Variants in SIK2 observed in about 807,000 individuals in gnomAD.
The protein encoded by SIK2 is serine/threonine-protein kinase SIK2.
In SIK2, 29 loss-of-function variants were observed where a neutral mutation model predicts 103.2. That is an observed-to-expected ratio of 0.28 (90% confidence interval 0.21 to 0.38). SIK2 has a LOEUF of 0.38. Ranked by LOEUF, SIK2 falls within the 10% of genes least tolerant of loss-of-function variation. The probability of loss-of-function intolerance (pLI) is 1.00; values close to 1 mark genes in which losing one functional copy is unlikely to be tolerated. For synonymous variants in SIK2, 412 were observed against 446.1 expected (o/e 0.92, Z 0.96); for missense variants, 879 against 1,171.0 (o/e 0.75, Z 3.64).
intron 3 of SIK2, among the ~76,000 whole-genome samples, chr11:111,669,050 C>T (rs1219330682): frequency 2.0e-5 from 3 of 152,126 alleles, no homozygotes; most frequent in African/African-American, 7.2e-5. Context: ...GAATGAATAG[C>T]TGATAGATAA....
At chr11:111,667,271 G>A (rs1302153651) in intron 3 of SIK2, among the ~76,000 whole-genome samples, 1 of 151,808 alleles carries the variant, frequency 6.6e-6, no homozygotes, top group East Asian at 1.9e-4. Flanking sequence ...GAGAGAACAG[G>A]AGCATTACAG....
chr11:111,692,038 G>T (rs997194458), intron 4 of SIK2, among the ~76,000 whole-genome samples: 3 of 152,038 alleles, frequency 2.0e-5, no homozygotes, highest in African/African-American at 7.2e-5. Flanking sequence ...CAGGATTGGG[G>T]ATCGGGGAGA....
rs532078135 is a variant in SIK2, at chr11:111,722,475, G to C, written c.2056-190G>C. Among the ~76,000 whole-genome samples, 1 of 152,366 alleles carries C rather than the reference G, an allele frequency of 6.6e-6. No homozygotes were observed. The highest frequency in any genetic ancestry group is 1.9e-4 in the East Asian group (1 of 5,186). ...TGGAGTGGAAAAAGGAAGTAGGTGA[G>C]GTCAGAGATGGCCCAGGCCTGCGGG... On this transcript the variant is annotated intron_variant, in intron 13 of 14. Transcript: ENST00000304987. The surrounding 1 kb of genome is among the most constrained non-coding windows in gnomAD (Gnocchi z 4.4).
At chr11:111,687,819 A>G (rs1398617121) in intron 3 of SIK2, among the ~76,000 whole-genome samples, 182 bp from the exon 4 acceptor site, 1 of 151,830 alleles carries the variant, frequency 6.6e-6, no homozygotes, top group Non-Finnish European at 1.5e-5. Context: ...GTTAGCCAGG[A>G]TGGTCTCGAT....
At chr11:111,667,745 G>A (rs1942566174) in intron 3 of SIK2, among the ~76,000 whole-genome samples, 1 of 152,026 alleles carries the variant, frequency 6.6e-6, no homozygotes, top group Admixed American at 6.6e-5. Context: ...TGCCCATCTT[G>A]GCCTCCCAAA....
At chr11:111,664,272 T>C (rs928488820) in intron 3 of SIK2, among the ~76,000 whole-genome samples, 5 of 152,058 alleles carry the variant, frequency 3.3e-5, no homozygotes, top group Admixed American at 2.6e-4. Context: ...AAGGGAAAGA[T>C]TGGGGCAGGG....
At chr11:111,638,632 C>G (rs1033546897) in intron 3 of SIK2, among the ~76,000 whole-genome samples, 1 of 151,966 alleles carries the variant, frequency 6.6e-6, no homozygotes, top group Non-Finnish European at 1.5e-5. Context: ...CTGTTCTATT[C>G]TGTAAAATAT....
At chr11:111,620,287 G>T in intron 2 of SIK2, 52 bp from the exon 3 acceptor site, 1 of 1,157,306 alleles carries the variant, frequency 8.6e-7, no homozygotes, top group Non-Finnish European at 1.3e-6. Flanking sequence ...AGAATATTGT[G>T]GAAAATTCCA....
At chr11:111,710,411 A>G (rs1943464252) in intron 8 of SIK2, among the ~76,000 whole-genome samples, 1 of 152,238 alleles carries the variant, frequency 6.6e-6, no homozygotes. Flanking sequence ...TATACAGTAT[A>G]GCCAGTGATA....
At chr11:111,717,317 C>CAAAAAAAAAAAAA (rs34473568) in intron 9 of SIK2, among the ~76,000 whole-genome samples, 1 of 49,466 alleles carries the variant, frequency 2.0e-5, no homozygotes, top group African/African-American at 7.3e-5. Flanking sequence ...GACTCCGTCT[C>CAAAAAAAAAAAAA]AAAAAAAAAA....
At position 111,727,419 on chromosome 11, in the gene SIK2, G is replaced by T; in HGVS notation, c.*3290G>T. 1 of 255,256 alleles carries T rather than the reference G, an allele frequency of 3.9e-6. No individual in the cohort carries two copies. The highest frequency in any genetic ancestry group is 7.6e-6 in the Non-Finnish European group (1 of 131,268). 15.8% of individuals were successfully genotyped at this position (255,256 alleles called of 1,614,324 possible). On this transcript the variant is annotated 3_prime_UTR_variant, in exon 15 of 15. Coordinates refer to ENST00000304987, the MANE Select transcript of SIK2 (RefSeq NM_015191.3). ...AACCGTATGCTGGAGTCAGTGGTTGGGACAGACAGGAGCCCAAGACTGAAG... is the reference window on the plus strand; with the variant it reads ...AACCGTATGCTGGAGTCAGTGGTTGTGACAGACAGGAGCCCAAGACTGAAG...
chr11:111,626,725 A>G (rs570738752), intron 3 of SIK2, among the ~76,000 whole-genome samples: 1 of 144,772 alleles, frequency 6.9e-6, no homozygotes, highest in East Asian at 2.0e-4. Flanking sequence ...AAAAAAAAGT[A>G]ATTTTGAAAA....
At chr11:111,609,902 G>T (rs1002372535) in intron 1 of SIK2, among the ~76,000 whole-genome samples, 1 of 152,156 alleles carries the variant, frequency 6.6e-6, no homozygotes, top group Non-Finnish European at 1.5e-5. Flanking sequence ...CTAATGTATG[G>T]TATGATAGAG....
chr11:111,615,257 C>G (rs528012071), intron 1 of SIK2, among the ~76,000 whole-genome samples: 1 of 149,752 alleles, frequency 6.7e-6, no homozygotes, highest in Non-Finnish European at 1.5e-5. Flanking sequence ...TCAAGGCCAG[C>G]CTGGTCAACA....
At chr11:111,674,063 G>A (rs1942665172) in intron 3 of SIK2, among the ~76,000 whole-genome samples, 1 of 119,532 alleles carries the variant, frequency 8.4e-6, no homozygotes. Flanking sequence ...GACAGAGCAA[G>A]ACTCCATTAA....
Position 111,722,612 on chromosome 11 carries a change from C to A in SIK2, c.2056-53C>A. The A allele has an allele frequency of 6.5e-7, 1 of 1,534,878 alleles. No homozygotes were observed. Among genetic ancestry groups the A allele is most frequent in the Non-Finnish European group, 9.0e-7 (1 of 1,114,664 alleles). On this transcript the variant is annotated intron_variant, in intron 13 of 14. Coordinates refer to ENST00000304987, the MANE Select transcript of SIK2 (RefSeq NM_015191.3). The surrounding 1 kb of genome is among the most constrained non-coding windows in gnomAD (Gnocchi z 4.4). Reference sequence around the variant, plus strand: ...CAGGCAGAAGCACATCTGATGACTGCATCCTAGGTGACAGCACATTGTCAC... The same window carrying A: ...CAGGCAGAAGCACATCTGATGACTGAATCCTAGGTGACAGCACATTGTCAC...
chr11:111,650,121 A>G (rs1241300388), intron 3 of SIK2, among the ~76,000 whole-genome samples: 5 of 151,984 alleles, frequency 3.3e-5, no homozygotes, highest in East Asian at 1.9e-4. Flanking sequence ...GTAGGTGTAC[A>G]TATATGCTAA....
At position 111,705,089 on chromosome 11, in the gene SIK2, G is replaced by C; in HGVS notation, c.1051G>C (p.Asp351His). ...RSSFPVEQRL[D>H]GRQRRPSTIA... ...CAGTTTCCCAGTGGAGCAGAGACTTGATGGCCGCCAGCGTCGGCCTAGCAC... is the reference window on the plus strand; with the variant it reads ...CAGTTTCCCAGTGGAGCAGAGACTTCATGGCCGCCAGCGTCGGCCTAGCAC... Residue 351 changes from aspartate (D) to histidine (H), a missense_variant, in exon 8 of 15, where the codon GAT becomes CAT. Coordinates refer to ENST00000304987, the MANE Select transcript of SIK2 (RefSeq NM_015191.3). This position sits in a 1 kb window ranked among gnomAD's most constrained non-coding sequence, Gnocchi z 4.3. 1 of 1,605,578 alleles carries C rather than the reference G, an allele frequency of 6.2e-7. No individual in the cohort carries two copies. Among genetic ancestry groups the C allele is most frequent in the Non-Finnish European group, 8.5e-7 (1 of 1,177,488 alleles).
intron 9 of SIK2, chr11:111,718,819 A>T (rs1056775886): frequency 3.3e-5 from 5 of 152,372 alleles, no homozygotes; most frequent in Middle Eastern, 3.4e-3. Context: ...GCAGCTATTC[A>T]TAGGAGAAAA....
Sources: allele counts gnomAD v4.1 joint callset (sites outside exome capture counted in the v4.1 genomes callset), GRCh38; gene constraint gnomAD v4.1.1; non-coding constraint Gnocchi (gnomAD v3.1); transcripts MANE v1.5; gene names NCBI Gene and HGNC (gene_info 2026-07-23, HGNC 2026-07-21).